The following ADA2 variants were observed in gnomAD, a reference collection of about 807,000 sequenced individuals.
ADA2 encodes adenosine deaminase 2, also known as adenosine deaminase CECR1.
In ADA2, 29 loss-of-function variants were observed where a neutral mutation model predicts 44.2. The observed-to-expected ratio is 0.66, with a 90% confidence interval of 0.49 to 0.89. The LOEUF (loss-of-function observed/expected upper bound fraction) is 0.89, where lower values mean the gene tolerates loss of function less well. ADA2 is among the 40% of genes least tolerant of loss of function. The probability of loss-of-function intolerance (pLI) is 0.00; values close to 1 mark genes in which losing one functional copy is unlikely to be tolerated. For synonymous variants in ADA2, 215 were observed against 234.9 expected (o/e 0.92, Z 0.77); for missense variants, 637 against 644.8 (o/e 0.99, Z 0.13).
At chr22:17,202,297 T>C (rs2062298719) in intron 4 of ADA2, among the ~76,000 whole-genome samples, 1 of 152,062 alleles carries the variant, frequency 6.6e-6, no homozygotes. Flanking sequence ...GCCCAGCTAA[T>C]TTTTGTATTT....
chr22:17,188,748 G>A (rs1300862405), intron 6 of ADA2: 43 of 179,960 alleles, frequency 2.4e-4, no homozygotes, highest in East Asian at 3.2e-4. Flanking sequence ...GTGTGGTAGC[G>A]GGTGCCTGTA....
chr22:17,193,463 G>A (rs952015683), intron 4 of ADA2, among the ~76,000 whole-genome samples: 9 of 149,264 alleles, frequency 6.0e-5, no homozygotes, highest in East Asian at 2.0e-4. Flanking sequence ...TCATGAGTTC[G>A]AGACCAGCCT....
At chr22:17,210,136 C>T (rs1487214720) in intron 1 of ADA2, among the ~76,000 whole-genome samples, 1 of 151,748 alleles carries the variant, frequency 6.6e-6, no homozygotes, top group African/African-American at 2.4e-5. Flanking sequence ...GTGATCTGCC[C>T]GCCTGGGCCT....
At chr22:17,217,054 G>A (rs78872431) in intron 1 of ADA2, among the ~76,000 whole-genome samples, 7,990 of 151,860 alleles carry the variant, frequency 0.053, 237 homozygotes, top group East Asian at 0.12. Context: ...AAAAAAATGA[G>A]AATTAGAAAG....
At chr22:17,193,819 G>A (rs913940329) in intron 4 of ADA2, among the ~76,000 whole-genome samples, 3 of 151,826 alleles carry the variant, frequency 2.0e-5, no homozygotes, top group Non-Finnish European at 4.4e-5. Context: ...CTGGGCATTG[G>A]AAGGGATGAA....
intron 1 of ADA2, among the ~76,000 whole-genome samples, chr22:17,218,165 C>T (rs921401134): frequency 1.1e-4 from 16 of 152,016 alleles, no homozygotes; most frequent in South Asian, 4.2e-4. Flanking sequence ...CCCATGATAT[C>T]GTAACTATTA....
intron 3 of ADA2, among the ~76,000 whole-genome samples, chr22:17,205,773 G>A (rs1444903163): frequency 2.6e-5 from 4 of 152,204 alleles, no homozygotes; most frequent in Non-Finnish European, 5.9e-5. Context: ...GAGCCGCAGA[G>A]TTCAAGACCA....
chr22:17,216,059 C>A (rs909690047), intron 1 of ADA2, among the ~76,000 whole-genome samples: 5 of 151,768 alleles, frequency 3.3e-5, no homozygotes, highest in African/African-American at 1.2e-4. Flanking sequence ...TGGTGGCGTG[C>A]ACCTGTAATC....
chr22:17,181,868 A>T lies in ADA2; in HGVS notation c.1394T>A (p.Met465Lys). Residue 465 changes from methionine (M) to lysine (K), a missense_variant, in exon 9 of 10, where the codon ATG becomes AAG. Met to Lys is a moderately conservative substitution (Grantham distance 95). Transcript: ENST00000399837. ...FYEVFMGIGG[M>K]KADLRTLKQL... ...TTTGAGGGTCCTCAGGTCAGCCTTC[A>T]TCCCCCCAATGCCCATGAAGACCTC... 6.2e-7 allele frequency: 1 copy of T among 1,614,102 alleles called. No individual in the cohort carries two copies. Among genetic ancestry groups the T allele is most frequent in the Non-Finnish European group, 8.5e-7 (1 of 1,180,010 alleles).
chr22:17,182,706 A>G lies in ADA2; in HGVS notation c.1137T>C (p.Thr379=). ...RNILDALMLN[T]TRIGHGFALS... ...AAGCAAATCCATGGCCGATTCTGGT[A>G]GTGTTCAGCATCAGAGCATCCAGAA... Residue 379 remains threonine (T), a synonymous_variant, in exon 8 of 10, where the codon ACT becomes ACC. Coordinates refer to ENST00000399837, the MANE Select transcript of ADA2 (RefSeq NM_001282225.2). 6.2e-7 allele frequency: 1 copy of G among 1,614,006 alleles called. No individual in the cohort carries two copies. The highest frequency in any genetic ancestry group is 8.5e-7 in the Non-Finnish European group (1 of 1,180,004).
At chr22:17,184,052 G>A (rs568259716) in intron 7 of ADA2, among the ~76,000 whole-genome samples, 2 of 135,860 alleles carry the variant, frequency 1.5e-5, no homozygotes, top group East Asian at 2.3e-4. Context: ...TCCACTTCCC[G>A]GGGTTCATGC....
In ADA2 at chr22:17,196,777, A is replaced by G. The variant is rs552665539; in HGVS notation, c.754-4967T>C. Among the ~76,000 whole-genome samples the G allele has an allele frequency of 6.6e-4, 101 of 152,272 alleles. 1 individual carries two copies. Among genetic ancestry groups the G allele is most frequent in the African/African-American group, 2.3e-3 (94 of 41,574 alleles). ...GCCCAGGCAGCAAGGGCAAATAGAC[A>G]GTTGTTGGCGGAGTGGTAGGTGGAG... On this transcript the variant is annotated intron_variant, in intron 4 of 9. Transcript: ENST00000399837.
chr22:17,208,640 T>TA lies in ADA2; in HGVS notation c.322+715dup, dbSNP rs1178671561. Among the ~76,000 whole-genome samples, 12 of 151,244 alleles carry TA rather than the reference T, an allele frequency of 7.9e-5. No individual in the cohort carries two copies. In the East Asian group the frequency reaches 1.2e-3, roughly 15 times the overall value. ...CAACATGGTGAAACCCCGTCTCTAC[T>TA]AAAAGTACAAAAATTATCCAGGTGT... On this transcript the variant is annotated intron_variant, in intron 2 of 9. Coordinates refer to ENST00000399837, the MANE Select transcript of ADA2 (RefSeq NM_001282225.2).
rs2062191011 is a variant in ADA2, at chr22:17,196,343, A to T, written c.754-4533T>A. ...CATCCCAAAAAAAAAAAAAAAAAGG[A>T]AAATTTCTTAATTTTAACATCTAAT... On this transcript the variant is annotated intron_variant, in intron 4 of 9. Coordinates refer to ENST00000399837, the MANE Select transcript of ADA2 (RefSeq NM_001282225.2). 2.0e-5 allele frequency among the ~76,000 whole-genome samples: 3 copies of T among 149,220 alleles called. 1 individual carries two copies. In the South Asian group the frequency reaches 6.5e-4, roughly 32 times the overall value.
Position 17,207,196 on chromosome 22 carries a change from G to T in ADA2, c.417C>A (p.Thr139=), listed in dbSNP as rs780856672. 1.2e-6 allele frequency: 2 copies of T among 1,614,138 alleles called. No homozygotes were observed. Among genetic ancestry groups the T allele is most frequent in the Admixed American group, 3.3e-5 (2 of 60,030 alleles). ...ATCTGAACTGCATGATCCCCCTTGG[G>T]GTGAAACAGATGTGGCAGTGAGGCC... ...TYRPHCHICF[T]PRGIMQFRFA... Residue 139 remains threonine, a synonymous_variant, in exon 3 of 10, where the codon ACC becomes ACA. Transcript: ENST00000399837.
At position 17,210,107 on chromosome 22, in the gene ADA2, G is replaced by A. The variant is rs546682104; in HGVS notation, c.-46-384C>T. ...GGGTTTCACTGTGTTAGACAGGATGGTCACGATCTCCTGACCTCGTGATCT... is the reference window on the plus strand; with the variant it reads ...GGGTTTCACTGTGTTAGACAGGATGATCACGATCTCCTGACCTCGTGATCT... On this transcript the variant is annotated intron_variant, in intron 1 of 9. Transcript: ENST00000399837. Among the ~76,000 whole-genome samples, 12 of 151,964 alleles carry A rather than the reference G, an allele frequency of 7.9e-5. No individual in the cohort carries two copies. In the South Asian group the frequency reaches 1.2e-3, roughly 16 times the overall value.
At chr22:17,209,888 A>ATT in intron 1 of ADA2, 165 bp from the exon 2 acceptor site, 2 of 505,004 alleles carry the variant, frequency 4.0e-6, no homozygotes, top group Non-Finnish European at 3.4e-6. Context: ...GGGGTTTCCC[A>ATT]ATTTTTTTTT....
chr22:17,187,184 A>T (rs970573945), intron 7 of ADA2, among the ~76,000 whole-genome samples: 7 of 150,742 alleles, frequency 4.6e-5, no homozygotes, highest in Middle Eastern at 3.4e-3. Flanking sequence ...AAAAAAAAAA[A>T]TTTGTTTTCC....
At chr22:17,199,446 T>TCCTCTATACTCTTCCCCA in intron 4 of ADA2, 1 of 917,624 alleles carries the variant, frequency 1.1e-6, no homozygotes. Flanking sequence ...CCTCTTCCCC[T>TCCTCTATACTCTTCCCCA]CCACCCACGA....
Sources: allele counts gnomAD v4.1 joint callset (sites outside exome capture counted in the v4.1 genomes callset), GRCh38; gene constraint gnomAD v4.1.1; transcripts MANE v1.5; gene names NCBI Gene and HGNC (gene_info 2026-07-23, HGNC 2026-07-21).